SAMD9L: variants seen among roughly 807,000 people sequenced by gnomAD.
SAMD9L encodes the protein sterile alpha motif domain containing 9 like.
In SAMD9L, 68 loss-of-function variants were observed where a neutral mutation model predicts 90.7. The observed-to-expected ratio is 0.75, with a 90% CI of 0.62 to 0.92. The LOEUF (loss-of-function observed/expected upper bound fraction) is 0.92, where lower values mean the gene tolerates loss of function less well. SAMD9L is among the 40% of genes least tolerant of loss of function. The pLI, the probability that SAMD9L is intolerant of heterozygous loss-of-function variation, is 0.00. For missense variants in SAMD9L, 1,604 were observed against 1,824.3 expected (o/e 0.88, Z 2.20); for synonymous variants, 640 against 630.1 (o/e 1.02, Z -0.23).
Position 93,133,659 on chromosome 7 carries a change from T to A in SAMD9L, c.2313A>T (p.Thr771=), listed in dbSNP as rs867095127. The A allele has an allele frequency of 6.2e-7, 1 of 1,613,576 alleles. No individual in the cohort carries two copies. Residue 771 remains threonine, a synonymous_variant, in exon 5 of 5, where the codon ACA becomes ACT. Transcript: ENST00000318238. ...NFRCAVLKNK[T]TDFAEIAEQV... is the part of the protein sequence containing the mutation. ...GCTCTGCAATTTCTGCAAAATCAGT[T>A]GTCTTGTTTTTTAACACAGCACATC...
intron 4 of SAMD9L, among the ~76,000 whole-genome samples, chr7:93,142,379 A>G (rs1244792016): frequency 1.3e-5 from 2 of 152,232 alleles, no homozygotes; most frequent in African/African-American, 4.8e-5. Flanking sequence ...GGAAATTAAC[A>G]TTTTTAGATT....
Position 93,135,784 on chromosome 7 carries a change from C to A in SAMD9L, c.188G>T (p.Gly63Val). The A allele has an allele frequency of 1.9e-6, 3 of 1,614,026 alleles. No homozygotes were observed. Among genetic ancestry groups the A allele is most frequent in the Non-Finnish European group, 2.5e-6 (3 of 1,179,948 alleles). The change falls in exon 5 of 5, where the codon GGT becomes GTT. Residue 63 changes from glycine to valine, a missense_variant. Around this residue, in one of 7 missense-constraint regions of SAMD9L, gnomAD observed 374 missense variants for 363.6 expected, o/e 1.03. Transcript: ENST00000318238. ...TGAACGTTTTATCAAAAGTGCTGGA[C>A]CCCATGGTAGCCCCATTTCTACAAG... The part of the protein sequence containing the change: ...KDLVEMGLPW[G>V]PALLIKRSYN...
At chr7:93,144,478 G>A (rs74298201) in intron 4 of SAMD9L, among the ~76,000 whole-genome samples, 6,877 of 152,226 alleles carry the variant, frequency 0.045, 198 homozygotes, top group East Asian at 0.13. Flanking sequence ...CAAAGTACAC[G>A]GGAGGATGTG....
Position 93,130,546 on chromosome 7 carries a change from C to A in SAMD9L, c.*671G>T, listed in dbSNP as rs1792040841. 6.6e-6 allele frequency: 1 copy of A among 152,022 alleles called. No individual in the cohort carries two copies. 9.4% of individuals were successfully genotyped at this position (152,022 alleles called of 1,614,324 possible). On this transcript the variant is annotated 3_prime_UTR_variant, in exon 5 of 5. Coordinates refer to ENST00000318238, the MANE Select transcript of SAMD9L (RefSeq NM_152703.5). Reference sequence around the variant, plus strand: ...CAAAAATGGCTTAAAGGAAGAGATTCACCTGTAAATGGGAACAAGAGAATG... The same window carrying A: ...CAAAAATGGCTTAAAGGAAGAGATTAACCTGTAAATGGGAACAAGAGAATG...
chr7:93,135,243 G>C lies in SAMD9L; in HGVS notation c.729C>G (p.Asp243Glu). ...TNGTIHFGVK[D>E]KPHGEIVGVK... ...CACCAACAATTTCTCCATGGGGTTT[G>C]TCCTTGACTCCAAAATGGATGGTGC... Residue 243 changes from aspartate to glutamate, a missense_variant, in exon 5 of 5, where the codon GAC (aspartate) becomes GAG (glutamate). By Grantham distance (45) the Asp-to-Glu change is conservative. Around this residue, in one of 7 missense-constraint regions of SAMD9L, gnomAD observed 374 missense variants for 363.6 expected, o/e 1.03. Coordinates refer to ENST00000318238, the MANE Select transcript of SAMD9L (RefSeq NM_152703.5). The C allele has an allele frequency of 6.2e-7, 1 of 1,614,094 alleles. No homozygotes were observed.
At position 93,132,029 on chromosome 7, in the gene SAMD9L, A is replaced by G. The variant is rs1300616732; in HGVS notation, c.3943T>C (p.Leu1315=). The G allele has an allele frequency of 2.2e-5, 36 of 1,613,412 alleles. No homozygotes were observed. The highest frequency in any genetic ancestry group is 2.9e-5 in the Non-Finnish European group (34 of 1,179,768). ...AGTAATTGACTCTCTTTACTTTGTAATAGACATGGATCCAAATGACAGAAA... is the reference window on the plus strand; with the variant it reads ...AGTAATTGACTCTCTTTACTTTGTAGTAGACATGGATCCAAATGACAGAAA... ...ELFCHLDPCL[L]QSKESQLLQE... is the part of the protein sequence containing the mutation. The change falls in exon 5 of 5, where the codon TTA becomes CTA. Residue 1315 remains leucine, a synonymous_variant. Transcript: ENST00000318238.
In SAMD9L at chr7:93,132,221, T is replaced by C. The variant is rs750074485; in HGVS notation, c.3751A>G (p.Ser1251Gly). 3.1e-6 allele frequency: 5 copies of C among 1,613,830 alleles called. No homozygotes were observed. Among genetic ancestry groups the C allele is most frequent in the Non-Finnish European group, 4.2e-6 (5 of 1,179,880 alleles). Residue 1251 changes from serine to glycine, a missense_variant, in exon 5 of 5, where the codon AGC (serine) becomes GGC (glycine). Ser to Gly is a moderately conservative substitution (Grantham distance 56). This residue lies in a region of SAMD9L where 302 missense variants were observed against 314.7 expected (regional missense o/e 0.96). Coordinates refer to ENST00000318238, the MANE Select transcript of SAMD9L (RefSeq NM_152703.5). ...TTTTTTAGGTGGGATGTGAACTTGC[T>C]AAGAGCCAAATAACATTCATTTCTG... The part of the protein sequence containing the change: ...DPRNECYLAL[S>G]KFTSHLKNLQ...
rs1284394627 is a variant in SAMD9L, at chr7:93,134,978, T to C, written c.994A>G (p.Ile332Val). The change falls in exon 5 of 5, where the codon ATA (isoleucine) becomes GTA (valine). Residue 332 changes from isoleucine to valine, a missense_variant. Transcript: ENST00000318238. ...YIQMQICKDKIWKQNQNLSLF... is the reference protein window; with the variant it reads ...YIQMQICKDKVWKQNQNLSLF... ...GAAAGATTTTGGTTTTGTTTCCATA[T>C]TTTATCTTTACAAATTTGCATCTGA... 2 of 1,613,158 alleles carry C rather than the reference T, an allele frequency of 1.2e-6. No homozygotes were observed. The highest frequency in any genetic ancestry group is 1.1e-5 in the South Asian group (1 of 91,068).
chr7:93,132,159 A>G lies in SAMD9L; in HGVS notation c.3813T>C (p.Phe1271=). ...QSDLKRCFDF[F]IDYMVLLKMR... ...TTTTCAGAAGAACCATATAATCAAT[A>G]AAAAAGTCAAAGCACCTTTTCAGAT... Residue 1271 remains phenylalanine, a synonymous_variant, in exon 5 of 5, where the codon TTT becomes TTC. Transcript: ENST00000318238. 2 of 1,613,100 alleles carry G rather than the reference A, an allele frequency of 1.2e-6. No homozygotes were observed. Among genetic ancestry groups the G allele is most frequent in the South Asian group, 2.2e-5 (2 of 90,892 alleles).
intron 4 of SAMD9L, among the ~76,000 whole-genome samples, chr7:93,139,112 G>T (rs893909861): frequency 2.0e-5 from 3 of 152,056 alleles, no homozygotes; most frequent in Admixed American, 1.3e-4. Flanking sequence ...GTATTAAAAT[G>T]TAGGAAGCTG....
Position 93,134,690 on chromosome 7 carries a change from G to T in SAMD9L, c.1282C>A (p.Gln428Lys). The T allele has an allele frequency of 1.2e-6, 2 of 1,613,568 alleles. No homozygotes were observed. The highest frequency in any genetic ancestry group is 1.1e-5 in the South Asian group (1 of 91,048). Residue 428 changes from glutamine to lysine, a missense_variant, in exon 5 of 5, where the codon CAA becomes AAA. Gln to Lys is a moderately conservative substitution (Grantham distance 53). Coordinates refer to ENST00000318238, the MANE Select transcript of SAMD9L (RefSeq NM_152703.5). ...ILVTNKCHPNQIKHLDFLKEI... is the reference protein window; with the variant it reads ...ILVTNKCHPNKIKHLDFLKEI... ...TTTAAAAAATCTAAGTGCTTTATTT[G>T]GTTTGGATGGCATTTATTTGTTACA...
intron 4 of SAMD9L, among the ~76,000 whole-genome samples, chr7:93,138,816 C>T (rs886325936): frequency 0.014 from 1 of 74 alleles, no homozygotes; most frequent in Non-Finnish European, 0.021. Flanking sequence ...CCTGATATTC[C>T]CATCTCTCTG....
In SAMD9L at chr7:93,133,120, G is replaced by A. The variant is rs536966231; in HGVS notation, c.2852C>T (p.Thr951Ile). ...GCTTTCAGGTTCCCAGGGTGTACTA[G>A]TGTATATGATTCCCAAAAATATTTC... ...QCEIFLGIIY[T>I]STPWEPESLE... is the part of the protein sequence containing the mutation. The change falls in exon 5 of 5, where the codon ACT (threonine) becomes ATT (isoleucine). Residue 951 changes from threonine (T) to isoleucine (I), a missense_variant. Physicochemically the swap from Thr to Ile is moderately conservative, Grantham distance 89. Transcript: ENST00000318238. 1 of 1,613,110 alleles carries A rather than the reference G, an allele frequency of 6.2e-7. No homozygotes were observed. Among genetic ancestry groups the A allele is most frequent in the South Asian group, 1.1e-5 (1 of 91,064 alleles).
chr7:93,136,612 C>T (rs1040365528), intron 4 of SAMD9L, among the ~76,000 whole-genome samples: 2 of 152,156 alleles, frequency 1.3e-5, no homozygotes, highest in Non-Finnish European at 2.9e-5. Context: ...TCAAGCTGGG[C>T]TCCCTGAAAC....
chr7:93,145,585 T>C lies in SAMD9L; in HGVS notation c.-323A>G, dbSNP rs1461842516. The C allele has an allele frequency of 6.6e-6, 1 of 152,172 alleles. No homozygotes were observed. Among genetic ancestry groups the C allele is most frequent in the Non-Finnish European group, 1.5e-5 (1 of 68,040 alleles). The allele number at this position is 152,172 out of a possible 1,614,324, so 9.4% of individuals were successfully genotyped here. On this transcript the variant is annotated 5_prime_UTR_variant, in exon 3 of 5. Transcript: ENST00000318238. Reference sequence around the variant, plus strand: ...TTCAGTTTGCCGGAGGATATACTTGTTGAGAACGTATTGCATAAAACAATG... The same window carrying C: ...TTCAGTTTGCCGGAGGATATACTTGCTGAGAACGTATTGCATAAAACAATG...
At chr7:93,138,255 C>A (rs570079757) in intron 4 of SAMD9L, among the ~76,000 whole-genome samples, 1 of 152,038 alleles carries the variant, frequency 6.6e-6, no homozygotes, top group African/African-American at 2.4e-5. Context: ...TTGTAACTAG[C>A]GATAAGTGTT....
chr7:93,134,664 T>G lies in SAMD9L; in HGVS notation c.1308A>C (p.Lys436Asn), dbSNP rs1012308514. The G allele has an allele frequency of 3.1e-6, 5 of 1,613,918 alleles. No individual in the cohort carries two copies. The highest frequency in any genetic ancestry group is 4.2e-6 in the Non-Finnish European group (5 of 1,179,888). ...PNQIKHLDFL[K>N]EIKWFAVLEF... is the part of the protein sequence containing the mutation. Reference sequence around the variant, plus strand: ...CCAACACAGCAAACCATTTAATTTCTTTTAAAAAATCTAAGTGCTTTATTT... The same window carrying G: ...CCAACACAGCAAACCATTTAATTTCGTTTAAAAAATCTAAGTGCTTTATTT... The change falls in exon 5 of 5, where the codon AAA becomes AAC. Residue 436 changes from lysine (K) to asparagine (N), a missense_variant. Physicochemically the swap from Lys to Asn is moderately conservative, Grantham distance 94 (BLOSUM62 0). This residue lies in a region of SAMD9L where 606 missense variants were observed against 717.6 expected (regional missense o/e 0.84). Transcript: ENST00000318238.
Position 93,132,539 on chromosome 7 carries a change from T to G in SAMD9L, c.3433A>C (p.Thr1145Pro), listed in dbSNP as rs2116479245. The stretch of plus-strand genomic sequence containing the variant: ...AGGAGATGTGTTAGGTCATTAACAG[T>G]AATGCTCCTACAGTTTTTGTTCCCA... ...LDGNKNCRSITVNDLTHLLEA... is the reference protein window; with the variant it reads ...LDGNKNCRSIPVNDLTHLLEA... The change falls in exon 5 of 5, where the codon ACT becomes CCT. Residue 1145 changes from threonine to proline, a missense_variant. Around this residue, in one of 7 missense-constraint regions of SAMD9L, gnomAD observed 302 missense variants for 314.7 expected, o/e 0.96. Coordinates refer to ENST00000318238, the MANE Select transcript of SAMD9L (RefSeq NM_152703.5). 6.2e-7 allele frequency: 1 copy of G among 1,613,876 alleles called. No homozygotes were observed.
At position 93,133,538 on chromosome 7, in the gene SAMD9L, A is replaced by G; in HGVS notation, c.2434T>C (p.Tyr812His). 1 of 1,613,692 alleles carries G rather than the reference A, an allele frequency of 6.2e-7. No homozygotes were observed. The highest frequency in any genetic ancestry group is 8.5e-7 in the Non-Finnish European group (1 of 1,179,814). The change falls in exon 5 of 5, where the codon TAC becomes CAC. Residue 812 changes from tyrosine to histidine, a missense_variant. Tyr to His is a moderately conservative substitution (Grantham distance 83, BLOSUM62 2). Around this residue, in one of 7 missense-constraint regions of SAMD9L, gnomAD observed 606 missense variants for 717.6 expected, o/e 0.84. Coordinates refer to ENST00000318238, the MANE Select transcript of SAMD9L (RefSeq NM_152703.5). ...GAATGGATGGCATTTTGTAGAAAGT[A>G]GACATTTTCTTGTTCTTCAAAATCA... Reference protein sequence around the residue: ...VDDFEEQENVYFLQNAIHSVL... With the variant: ...VDDFEEQENVHFLQNAIHSVL...
Sources: allele counts gnomAD v4.1 joint callset (sites outside exome capture counted in the v4.1 genomes callset), GRCh38; gene constraint gnomAD v4.1.1; regional missense constraint gnomAD v4.1.1; transcripts MANE v1.5; gene names NCBI Gene and HGNC (gene_info 2026-07-23, HGNC 2026-07-21).